The following GNAQ variants were observed in gnomAD, a reference collection of about 807,000 sequenced individuals.
GNAQ encodes G protein subunit alpha q.
GNAQ carries 8 observed loss-of-function variants against 43.9 expected under a neutral mutation model. The observed-to-expected ratio is 0.18, with a 90% CI of 0.11 to 0.33. The LOEUF is 0.33. Ranked by LOEUF, GNAQ falls within the 10% of genes least tolerant of loss-of-function variation. The pLI, the probability that GNAQ is intolerant of heterozygous loss-of-function variation, is 1.00. For synonymous variants in GNAQ, 155 were observed against 170.7 expected (o/e 0.91, Z 0.71); for missense variants, 158 against 450.8 (o/e 0.35, Z 5.88).
chr9:77,850,649 C>CT (rs1827660775), intron 2 of GNAQ, among the ~76,000 whole-genome samples: 1 of 152,340 alleles, frequency 6.6e-6, no homozygotes, highest in Admixed American at 6.5e-5. Flanking sequence ...ACCTCCCACT[C>CT]TGTGCCTTTA....
chr9:77,782,997 GAAAT>G (rs371557437), intron 5 of GNAQ, among the ~76,000 whole-genome samples: 136 of 152,308 alleles, frequency 8.9e-4, no homozygotes, highest in African/African-American at 3.2e-3. Flanking sequence ...GGGGAAGGGA[GAAAT>G]AAATAGGCAG....
At chr9:77,725,721 T>C (rs557875129) in intron 6 of GNAQ, among the ~76,000 whole-genome samples, 1 of 151,760 alleles carries the variant, frequency 6.6e-6, no homozygotes, top group Non-Finnish European at 1.5e-5. Context: ...ATTAGGAAGA[T>C]GGTGCAGAGA....
At chr9:77,847,051 A>G (rs914713742) in intron 2 of GNAQ, among the ~76,000 whole-genome samples, 2 of 152,164 alleles carry the variant, frequency 1.3e-5, no homozygotes, top group East Asian at 1.9e-4. Flanking sequence ...GATAGCATCA[A>G]TGCCAGATTA....
At chr9:77,898,240 C>A (rs1249991600) in intron 2 of GNAQ, among the ~76,000 whole-genome samples, 3 of 152,194 alleles carry the variant, frequency 2.0e-5, no homozygotes, top group Admixed American at 1.3e-4. Context: ...AATATATTAC[C>A]AGCTTGCCAT....
At chr9:77,783,940 G>A (rs1019233207) in intron 5 of GNAQ, among the ~76,000 whole-genome samples, 9 of 151,848 alleles carry the variant, frequency 5.9e-5, no homozygotes, top group Non-Finnish European at 1.3e-4. Flanking sequence ...TAAATTATCA[G>A]AAATATAAAA....
intron 5 of GNAQ, among the ~76,000 whole-genome samples, chr9:77,761,189 AGTGAGGGGC>A (rs1341028175): frequency 2.3e-5 from 3 of 133,302 alleles, no homozygotes; most frequent in Admixed American, 1.5e-4. Context: ...CCGCCCGGCC[AGTGAGGGGC>A]GCCTCTGCCC....
chr9:78,027,287 T>C (rs767455457), intron 1 of GNAQ, among the ~76,000 whole-genome samples: 1 of 152,242 alleles, frequency 6.6e-6, no homozygotes. Context: ...CCTATGTTTC[T>C]ATACATTTAT....
At chr9:77,757,359 C>A (rs1001335898) in intron 5 of GNAQ, among the ~76,000 whole-genome samples, 2 of 152,106 alleles carry the variant, frequency 1.3e-5, no homozygotes, top group Admixed American at 6.6e-5. Context: ...CTACCCTTCA[C>A]CAGATCTGCA....
At chr9:77,950,113 A>G (rs940618626) in intron 1 of GNAQ, among the ~76,000 whole-genome samples, 1 of 152,128 alleles carries the variant, frequency 6.6e-6, no homozygotes, top group Non-Finnish European at 1.5e-5. Context: ...ACATACTATA[A>G]TGTTCTTACC....
chr9:78,018,585 T>C (rs1006906701), intron 1 of GNAQ, among the ~76,000 whole-genome samples: 3 of 152,184 alleles, frequency 2.0e-5, no homozygotes, highest in Non-Finnish European at 2.9e-5. Context: ...TTCTTAAGAA[T>C]GTCAGAACAT....
At chr9:78,017,840 A>C (rs1823858317) in intron 1 of GNAQ, among the ~76,000 whole-genome samples, 1 of 152,162 alleles carries the variant, frequency 6.6e-6, no homozygotes. Context: ...TTCACAAAAG[A>C]AGCAATTCAA....
At chr9:77,724,749 A>C (rs952504794) in intron 6 of GNAQ, among the ~76,000 whole-genome samples, 2 of 152,238 alleles carry the variant, frequency 1.3e-5, no homozygotes, top group African/African-American at 4.8e-5. Flanking sequence ...TACAATTTAA[A>C]AAAGTAATGT....
At chr9:77,751,675 C>G (rs1825813611) in intron 5 of GNAQ, among the ~76,000 whole-genome samples, 1 of 152,114 alleles carries the variant, frequency 6.6e-6, no homozygotes, top group Admixed American at 6.5e-5. Flanking sequence ...ATCTGTAACT[C>G]AGTCAACAGC....
rs561699405 is a variant in GNAQ at position 77,985,653 on chromosome 9, C to T, written c.136+45447G>A. 1.2e-4 allele frequency among the ~76,000 whole-genome samples: 19 copies of T among 152,180 alleles called. 1 individual carries two copies. In the South Asian group the frequency reaches 3.7e-3, roughly 30 times the overall value. ...AGGCTGGAGTGCAGTGGCATGATCT[C>T]GGCTTACTGCAATCTCTCTGCCTCC... On this transcript the variant is annotated intron_variant, in intron 1 of 6. Coordinates refer to ENST00000286548, the MANE Select transcript of GNAQ (RefSeq NM_002072.5).
intron 1 of GNAQ, among the ~76,000 whole-genome samples, chr9:77,945,604 T>C (rs1053793621): frequency 2.0e-5 from 3 of 152,148 alleles, no homozygotes; most frequent in African/African-American, 4.8e-5. Flanking sequence ...ATGAAAAATA[T>C]ATCCTCTTAG....
intron 5 of GNAQ, among the ~76,000 whole-genome samples, chr9:77,786,488 T>G (rs1303318676): frequency 6.6e-6 from 1 of 152,088 alleles, no homozygotes; most frequent in East Asian, 1.9e-4. Flanking sequence ...GTGGGCCCAG[T>G]ATTCGGGGTC....
At chr9:77,951,400 T>C (rs1031493578) in intron 1 of GNAQ, among the ~76,000 whole-genome samples, 2 of 152,148 alleles carry the variant, frequency 1.3e-5, no homozygotes, top group African/African-American at 4.8e-5. Context: ...ATCCAGCCCA[T>C]TCACTTATTT....
intron 1 of GNAQ, among the ~76,000 whole-genome samples, chr9:77,999,931 T>G (rs940074642): frequency 6.6e-6 from 1 of 152,166 alleles, no homozygotes; most frequent in African/African-American, 2.4e-5. Flanking sequence ...TTAGGGAGTA[T>G]CTAGGCTTCC....
At chr9:78,021,607 C>T (rs1015636592) in intron 1 of GNAQ, among the ~76,000 whole-genome samples, 9 of 152,108 alleles carry the variant, frequency 5.9e-5, no homozygotes, top group Admixed American at 2.6e-4. Flanking sequence ...CTGCTAGCTC[C>T]AAATATAAAG....
Sources: gnomAD v4.1 joint callset for allele counts (sites outside exome capture counted in the v4.1 genomes callset) on GRCh38, gnomAD v4.1.1 for gene constraint, MANE v1.5 for transcripts, NCBI Gene and HGNC (gene_info 2026-07-23, HGNC 2026-07-21) for gene names.